Variants in PAX8 observed in about 807,000 individuals in gnomAD.
The protein encoded by PAX8 is paired box 8.
In PAX8, 15 loss-of-function variants were observed where a neutral mutation model predicts 52.4. The ratio of observed to expected loss-of-function variants is 0.29; its 90% CI spans 0.19 to 0.44. The LOEUF (loss-of-function observed/expected upper bound fraction) is 0.44. PAX8 is among the 20% of genes least tolerant of loss of function. The probability of loss-of-function intolerance (pLI) is 1.00; values close to 1 mark genes in which losing one functional copy is unlikely to be tolerated. For missense variants in PAX8, 554 were observed against 602.5 expected, an observed-to-expected ratio of 0.92 and a Z score of 0.84; for synonymous variants, 284 against 249.7, an observed-to-expected ratio of 1.14 and a Z score of -1.29.
At chr2:113,235,226 C>A in intron 9 of PAX8, 168 bp downstream of exon 9, 1 of 515,940 alleles carries the variant, frequency 1.9e-6, no homozygotes, top group South Asian at 2.2e-5. Flanking sequence ...CATGTCTTCC[C>A]CGTCACAGAG....
At chr2:113,260,878 T>TTGTG (rs34240850) in intron 2 of PAX8, among the ~76,000 whole-genome samples, 2,466 of 148,198 alleles carry the variant, frequency 0.017, 38 homozygotes, top group African/African-American at 0.041. Flanking sequence ...AGTGACTGTT[T>TTGTG]TGTGTGTGTG....
chr2:113,278,841 G>A lies in PAX8; in HGVS notation c.-86C>T. ...CCCTGGGTGACATACCTGGCCGGCC[G>A]GCTGCAGGCCCTCACTGCTTGGGTC... On this transcript the variant is annotated 5_prime_UTR_variant, in exon 1 of 12. Coordinates refer to ENST00000429538, the MANE Select transcript of PAX8 (RefSeq NM_003466.4). 2 of 1,069,876 alleles carry A rather than the reference G, an allele frequency of 1.9e-6. No individual in the cohort carries two copies. Among genetic ancestry groups the A allele is most frequent in the Middle Eastern group, 4.2e-4 (1 of 2,380 alleles). The allele number at this position is 1,069,876 out of a possible 1,614,324, so 66.3% of individuals were successfully genotyped here.
At chr2:113,275,818 C>G (rs1254831256) in intron 2 of PAX8, 1 of 152,216 alleles carries the variant, frequency 6.6e-6, no homozygotes, top group East Asian at 1.9e-4. Flanking sequence ...CGCTGACCTG[C>G]GCACGTTAAA....
intron 2 of PAX8, among the ~76,000 whole-genome samples, chr2:113,255,823 CA>C (rs764923762): frequency 2.6e-5 from 4 of 152,078 alleles, no homozygotes; most frequent in Non-Finnish European, 5.9e-5. Flanking sequence ...TAACATCCAT[CA>C]GGGGAAAAAA....
chr2:113,225,873 A>G (rs939000566), intron 10 of PAX8: 1 of 982,760 alleles, frequency 1.0e-6, no homozygotes, highest in Non-Finnish European at 1.2e-6. Flanking sequence ...CCCATTATCC[A>G]CACTCTTAAA....
intron 1 of PAX8, 154 bp from the exon 2 acceptor site, chr2:113,278,623 C>A (rs1693997162): frequency 6.9e-6 from 5 of 728,382 alleles, no homozygotes; most frequent in Non-Finnish European, 1.1e-5. Flanking sequence ...CCTAGCCTAG[C>A]TAACAGGCTT....
intron 2 of PAX8, chr2:113,268,911 C>T (rs1693278302): frequency 6.6e-6 from 1 of 152,392 alleles, no homozygotes; most frequent in Admixed American, 6.5e-5. Context: ...CCAGGCAGGC[C>T]TGTCACAGTG....
intron 9 of PAX8, among the ~76,000 whole-genome samples, chr2:113,229,082 G>A (rs940903607): frequency 1.3e-5 from 2 of 152,144 alleles, no homozygotes; most frequent in Non-Finnish European, 2.9e-5. Flanking sequence ...GACATAGGCT[G>A]GGATAGGCAT....
At chr2:113,249,980 TA>T (rs1254086866) in intron 2 of PAX8, among the ~76,000 whole-genome samples, 3 of 151,974 alleles carry the variant, frequency 2.0e-5, no homozygotes, top group South Asian at 2.1e-4. Flanking sequence ...TATAAGAAGA[TA>T]GGGGGGCTGG....
At chr2:113,234,185 C>T (rs1358468784) in intron 9 of PAX8, among the ~76,000 whole-genome samples, 2 of 152,254 alleles carry the variant, frequency 1.3e-5, no homozygotes, top group Admixed American at 6.5e-5. Context: ...AGTCCTATCC[C>T]TGTGGAAGCC....
In PAX8 at chr2:113,226,624, G is replaced by C. The variant is rs574524670; in HGVS notation, c.1189+531C>G. The stretch of plus-strand genomic sequence containing the variant: ...ACCCGGGTCCTATCCATGCAGGCTT[G>C]AGAGAGAGATGTGAAGCATATATTT... On this transcript the variant is annotated intron_variant, in intron 10 of 11. Coordinates refer to ENST00000429538, the MANE Select transcript of PAX8 (RefSeq NM_003466.4). The C allele has an allele frequency of 1.7e-5, 18 of 1,077,920 alleles. No homozygotes were observed. The South Asian group carries it at 4.8e-4, about 29-fold the overall frequency. 66.8% of individuals were successfully genotyped at this position (1,077,920 alleles called of 1,614,324 possible).
At chr2:113,253,835 T>G (rs1691979390) in intron 2 of PAX8, among the ~76,000 whole-genome samples, 1 of 152,188 alleles carries the variant, frequency 6.6e-6, no homozygotes. Context: ...AAAAGTCTCA[T>G]AGTCAAGGGA....
At chr2:113,254,403 G>A (rs980587851) in intron 2 of PAX8, among the ~76,000 whole-genome samples, 1 of 152,146 alleles carries the variant, frequency 6.6e-6, no homozygotes, top group Non-Finnish European at 1.5e-5. Flanking sequence ...TGGGGTGGGG[G>A]TGCAAGAGAG....
At chr2:113,273,178 C>T in intron 2 of PAX8, 1 of 152,244 alleles carries the variant, frequency 6.6e-6, no homozygotes, top group African/African-American at 2.4e-5. Flanking sequence ...AGAAAGTAAA[C>T]ACATCCATGC....
At chr2:113,245,468 C>G (rs987340729) in intron 3 of PAX8, among the ~76,000 whole-genome samples, 9 of 152,152 alleles carry the variant, frequency 5.9e-5, no homozygotes, top group Admixed American at 3.9e-4. Flanking sequence ...TCCCTCACCC[C>G]CCTGGTCACT....
At chr2:113,250,376 GGTT>G (rs1452229195) in intron 2 of PAX8, among the ~76,000 whole-genome samples, 4 of 152,158 alleles carry the variant, frequency 2.6e-5, no homozygotes, top group Non-Finnish European at 5.9e-5. Flanking sequence ...ATATTCCCAT[GGTT>G]GAATGTTATG....
At position 113,235,587 on chromosome 2, in the gene PAX8, C is replaced by T. The variant is rs755505763; in HGVS notation, c.899-5G>A. The T allele has an allele frequency of 2.9e-5, 46 of 1,603,580 alleles. No individual in the cohort carries two copies. In the African/African-American group the frequency reaches 4.2e-4, roughly 14 times the overall value. On this transcript the variant is annotated splice_polypyrimidine_tract_variant and splice_region_variant and intron_variant, in intron 8 of 11. Transcript: ENST00000429538. ...TGGCGAAGGGTGAGTGAGGATCTGC[C>T]GGAGGGAGGGAGACAACAAGGAGAG... is the stretch of plus-strand genomic sequence containing the variant.
intron 2 of PAX8, chr2:113,269,038 G>T (rs1030093827): frequency 6.6e-6 from 1 of 152,254 alleles, no homozygotes; most frequent in East Asian, 1.9e-4. Context: ...GCCCAGGAAG[G>T]TCCCCAAGGC....
Position 113,218,262 on chromosome 2 carries a change from T to C in PAX8, c.*271A>G, listed in dbSNP as rs1001614452. 1.6e-5 allele frequency: 6 copies of C among 375,220 alleles called. No homozygotes were observed. The highest frequency in any genetic ancestry group is 2.8e-5 in the Non-Finnish European group (6 of 210,590). 23.2% of individuals were successfully genotyped at this position (375,220 alleles called of 1,614,324 possible). On this transcript the variant is annotated 3_prime_UTR_variant, in exon 12 of 12. Transcript: ENST00000429538. ...GGGTACCGGCTGGGGGCTACATTTC[T>C]TCTTCAATTTTGTCTTTTTCAGCAT...
Sources: gnomAD v4.1 joint callset for allele counts (sites outside exome capture counted in the v4.1 genomes callset) on GRCh38, gnomAD v4.1.1 for gene constraint, MANE v1.5 for transcripts, NCBI Gene and HGNC (gene_info 2026-07-23, HGNC 2026-07-21) for gene names.